The following ATP23 variants were observed in gnomAD, a reference collection of about 807,000 sequenced individuals.
ATP23 encodes the protein ATP23 metallopeptidase and ATP synthase assembly factor homolog.
A neutral mutation model predicts 28.5 loss-of-function variants in ATP23; 24 were observed. That is an observed-to-expected ratio of 0.84 (90% CI 0.61 to 1.18). ATP23 has a LOEUF of 1.18. Among genes scored for constraint, ATP23 ranks in the 50% most tolerant of loss-of-function variants. ATP23 has a pLI of 0.00. For missense variants in ATP23, 274 were observed against 306.4 expected (o/e 0.89, Z 0.79); for synonymous variants, 99 against 108.6 (o/e 0.91, Z 0.55).
At position 57,957,729 on chromosome 12, in the gene ATP23, C is replaced by T. The variant is rs1033032909; in HGVS notation, c.*839C>T. 1.3e-5 allele frequency among the ~76,000 whole-genome samples: 2 copies of T among 152,110 alleles called. No individual in the cohort carries two copies. The highest frequency in any genetic ancestry group is 1.3e-4 in the Admixed American group (2 of 15,268). ...GGGGTAGAGCAAGCAGCAGGAAGGC[C>T]CAGGGAGCTCGCTGGGTCCCCAAGC... On this transcript the variant is annotated 3_prime_UTR_variant, in exon 6 of 6. Transcript: ENST00000300145.
chr12:57,957,190 C>T lies in ATP23; in HGVS notation c.*300C>T. 4.3e-6 allele frequency: 1 copy of T among 235,200 alleles called. No individual in the cohort carries two copies. Among genetic ancestry groups the T allele is most frequent in the Non-Finnish European group, 8.1e-6 (1 of 123,412 alleles). The allele number at this position is 235,200 out of a possible 1,614,324, so 14.6% of individuals were successfully genotyped here. On this transcript the variant is annotated 3_prime_UTR_variant, in exon 6 of 6. Transcript: ENST00000300145. Reference sequence around the variant, plus strand: ...ATTATTTTAAAATTTGATTATGAAACCTGTGAAGTGTGCTCTTCCATGATG... The same window carrying T: ...ATTATTTTAAAATTTGATTATGAAATCTGTGAAGTGTGCTCTTCCATGATG...
chr12:57,941,983 A>G, intron 1 of ATP23, 95 bp downstream of exon 1: 1 of 1,476,660 alleles, frequency 6.8e-7, no homozygotes. Flanking sequence ...CAGGGGCTTC[A>G]GGTTCAGCAC....
chr12:57,955,358 C>T (rs1956857120), intron 5 of ATP23, among the ~76,000 whole-genome samples: 1 of 149,548 alleles, frequency 6.7e-6, no homozygotes, highest in South Asian at 2.1e-4. Flanking sequence ...GGAAGTTTTC[C>T]TCTTTTTACC....
intron 2 of ATP23, among the ~76,000 whole-genome samples, chr12:57,945,910 G>T (rs1413434418): frequency 6.6e-6 from 1 of 150,462 alleles, no homozygotes; most frequent in Non-Finnish European, 1.5e-5. Context: ...TTGTTGTCCA[G>T]GTGGGAGTGC....
At position 57,941,595 on chromosome 12, in the gene ATP23, C is replaced by A. The variant is rs1956702115; in HGVS notation, c.-107C>A. On this transcript the variant is annotated 5_prime_UTR_variant, in exon 1 of 6. Coordinates refer to ENST00000300145, the MANE Select transcript of ATP23 (RefSeq NM_033276.4). ...CCAGCCAGGCTGCCCTTCTTCCCTG[C>A]GGAGGGAGGGCCTGGGCGGTCGCGT... 2.8e-6 allele frequency: 4 copies of A among 1,427,944 alleles called. No individual in the cohort carries two copies. The highest frequency in any genetic ancestry group is 3.7e-6 in the Non-Finnish European group (4 of 1,075,386). 88.5% of individuals were successfully genotyped at this position (1,427,944 alleles called of 1,614,324 possible).
At chr12:57,942,526 C>G (rs1199076980) in intron 1 of ATP23, among the ~76,000 whole-genome samples, 1 of 151,884 alleles carries the variant, frequency 6.6e-6, no homozygotes, top group Non-Finnish European at 1.5e-5. Context: ...TGGGTTCACG[C>G]CGTTCTCCTG....
In ATP23 at chr12:57,957,450, T is replaced by G. The variant is rs994935811; in HGVS notation, c.*560T>G. ...CTTTTTAATAAAGGCAGTGCTCGAA[T>G]TTTAGCTCCAGATCGACTGCAAGAA... On this transcript the variant is annotated 3_prime_UTR_variant, in exon 6 of 6. Coordinates refer to ENST00000300145, the MANE Select transcript of ATP23 (RefSeq NM_033276.4). Among the ~76,000 whole-genome samples the G allele has an allele frequency of 6.6e-6, 1 of 152,128 alleles. No homozygotes were observed. Among genetic ancestry groups the G allele is most frequent in the Non-Finnish European group, 1.5e-5 (1 of 68,032 alleles).
intron 1 of ATP23, 61 bp downstream of exon 1, chr12:57,941,949 G>C: frequency 6.3e-7 from 1 of 1,583,626 alleles, no homozygotes; most frequent in Non-Finnish European, 8.6e-7. Context: ...GGGTGGGCGA[G>C]GAAGGGCCTG....
chr12:57,947,121 CTT>C, intron 3 of ATP23, 45 bp downstream of exon 3: 3 of 1,574,070 alleles, frequency 1.9e-6, no homozygotes, highest in Non-Finnish European at 2.6e-6. Flanking sequence ...AATCCTCTCT[CTT>C]TATATTTTTT....
chr12:57,945,732 G>C (rs1393250512), intron 2 of ATP23, 59 bp downstream of exon 2: 1 of 1,500,876 alleles, frequency 6.7e-7, no homozygotes, highest in Non-Finnish European at 9.3e-7. Flanking sequence ...CAAAAACCAA[G>C]TTCTCTTCTT....
intron 5 of ATP23, among the ~76,000 whole-genome samples, chr12:57,954,827 G>C (rs1016536651): frequency 1.2e-5 from 1 of 83,642 alleles, no homozygotes. Flanking sequence ...ACTCTGGAGT[G>C]GGGGGTGGAA....
Position 57,951,786 on chromosome 12 carries a change from A to T in ATP23, c.344A>T (p.Asn115Ile), listed in dbSNP as rs778164860. The change falls in exon 4 of 6, where the codon AAT (asparagine) becomes ATT (isoleucine). Residue 115 changes from asparagine to isoleucine, a missense_variant. By Grantham distance (149) the Asn-to-Ile change is moderately radical. Coordinates refer to ENST00000300145, the MANE Select transcript of ATP23 (RefSeq NM_033276.4). Reference protein sequence around the residue: ...QIVLCQNNIHNQAHMNRVVTH... With the variant: ...QIVLCQNNIHIQAHMNRVVTH... ...GTTTTGTGCCAGAATAATATCCATA[A>T]TCAGGCCCATATGAACAGAGTGGTC... The T allele has an allele frequency of 6.2e-7, 1 of 1,614,126 alleles. No homozygotes were observed.
rs1956883907 is a variant in ATP23 at position 57,957,924 on chromosome 12, A to T, written c.*1034A>T. Among the ~76,000 whole-genome samples the T allele has an allele frequency of 6.6e-6, 1 of 152,210 alleles. No homozygotes were observed. Among genetic ancestry groups the T allele is most frequent in the South Asian group, 2.1e-4 (1 of 4,834 alleles). On this transcript the variant is annotated 3_prime_UTR_variant, in exon 6 of 6. Transcript: ENST00000300145. ...GAGAGGGCACAAATCCCATGTGCAG[A>T]ATCCACAGAGGGGAAGAACCAAGCT...
At chr12:57,942,381 G>C (rs936089316) in intron 1 of ATP23, among the ~76,000 whole-genome samples, 1 of 151,726 alleles carries the variant, frequency 6.6e-6, no homozygotes, top group Admixed American at 6.6e-5. Flanking sequence ...CCCTGAAATG[G>C]TCTGTGAAAT....
chr12:57,941,862 T>G lies in ATP23; in HGVS notation c.161T>G (p.Leu54Arg). The G allele has an allele frequency of 1.2e-6, 2 of 1,613,602 alleles. No homozygotes were observed. Among genetic ancestry groups the G allele is most frequent in the Non-Finnish European group, 1.7e-6 (2 of 1,179,810 alleles). Residue 54 changes from leucine (L) to arginine (R), a missense_variant, in exon 1 of 6, where the codon CTT becomes CGT. Leu to Arg is a moderately radical substitution (Grantham distance 102). Coordinates refer to ENST00000300145, the MANE Select transcript of ATP23 (RefSeq NM_033276.4). The stretch of plus-strand genomic sequence containing the variant: ...TTCACCAGCAACCAGAAGTGCCAGC[T>G]TAGGCTCCTGAAGACGCTGGAGACA... ...SFFTSNQKCQ[L>R]RLLKTLETNP... is the part of the protein sequence containing the mutation.
chr12:57,944,058 G>GTT lies in ATP23; in HGVS notation c.188-1570_188-1569insTT, dbSNP rs1274725003. 6.1e-4 allele frequency among the ~76,000 whole-genome samples: 66 copies of GTT among 108,318 alleles called. 3 individuals are homozygous for GTT. Among genetic ancestry groups the GTT allele is most frequent in the East Asian group, 6.0e-3 (13 of 2,180 alleles). The allele number at this position is 108,318 out of a possible 152,430, so 71.1% of individuals were successfully genotyped here. ...GGTCCTTTTTGAAGTACTAAACCAT[G>GTT]GTTTTTTTTTTTTTTAAGTACAAGG... On this transcript the variant is annotated intron_variant, in intron 1 of 5. Transcript: ENST00000300145.
intron 3 of ATP23, among the ~76,000 whole-genome samples, chr12:57,948,961 C>T (rs536148568): frequency 6.6e-6 from 1 of 152,214 alleles, no homozygotes; most frequent in East Asian, 1.9e-4. Flanking sequence ...TTTCCACCTT[C>T]AGCATTTGTG....
chr12:57,954,437 T>G (rs1956846545), intron 5 of ATP23, among the ~76,000 whole-genome samples: 1 of 152,128 alleles, frequency 6.6e-6, no homozygotes, highest in Non-Finnish European at 1.5e-5. Context: ...CTATATAATG[T>G]GATAGAAAAC....
intron 3 of ATP23, among the ~76,000 whole-genome samples, chr12:57,949,262 C>T (rs140631918): frequency 7.3e-4 from 111 of 152,288 alleles, no homozygotes; most frequent in African/African-American, 2.5e-3. Context: ...TAGTATACAG[C>T]ACTCTTCTGG....
Sources: allele counts gnomAD v4.1 joint callset (sites outside exome capture counted in the v4.1 genomes callset), GRCh38; gene constraint gnomAD v4.1.1; transcripts MANE v1.5; gene names NCBI Gene and HGNC (gene_info 2026-07-23, HGNC 2026-07-21).